The following PPP1R9A variants were observed in gnomAD, a reference collection of about 807,000 sequenced individuals.
PPP1R9A encodes the protein neurabin-1.
In PPP1R9A, 59 loss-of-function variants were observed where a neutral mutation model predicts 141.9. That is an observed-to-expected ratio of 0.42 (90% confidence interval 0.34 to 0.52). The LOEUF (loss-of-function observed/expected upper bound fraction) is 0.52, where lower values mean the gene tolerates loss of function less well. PPP1R9A is among the 20% of genes least tolerant of loss of function. The pLI, the probability that PPP1R9A is intolerant of heterozygous loss-of-function variation, is 0.10. For synonymous variants in PPP1R9A, 500 were observed against 569.7 expected, an observed-to-expected ratio of 0.88 and a Z score of 1.74; for missense variants, 1,444 against 1,611.9, an observed-to-expected ratio of 0.90 and a Z score of 1.78.
Position 95,182,498 on chromosome 7 carries a change from A to G in PPP1R9A, c.1755-15851A>G, listed in dbSNP as rs113739211. Among the ~76,000 whole-genome samples, 745 of 152,324 alleles carry G rather than the reference A, an allele frequency of 4.9e-3. 5 individuals are homozygous for G. The highest frequency in any genetic ancestry group is 0.015 in the African/African-American group (641 of 41,570). ...TTCCATTTGAAATGCAATAAACCTC[A>G]AAATGTTTTTACTTTATTTATATCA... On this transcript the variant is annotated intron_variant, in intron 5 of 19. Transcript: ENST00000433360.
At chr7:95,021,044 C>T (rs1006373515) in intron 2 of PPP1R9A, among the ~76,000 whole-genome samples, 4 of 152,230 alleles carry the variant, frequency 2.6e-5, no homozygotes, top group African/African-American at 7.2e-5. Flanking sequence ...CTTGAGGAAT[C>T]GCCGCACTGT....
At chr7:95,072,828 TATATA>T (rs1363754165) in intron 2 of PPP1R9A, among the ~76,000 whole-genome samples, 1 of 62,982 alleles carries the variant, frequency 1.6e-5, no homozygotes, top group Non-Finnish European at 2.6e-5. Flanking sequence ...AATTATTATA[TATATA>T]ATAATTATTA....
intron 7 of PPP1R9A, among the ~76,000 whole-genome samples, chr7:95,212,459 G>A (rs893527448): frequency 6.6e-6 from 1 of 152,056 alleles, no homozygotes; most frequent in Non-Finnish European, 1.5e-5. Context: ...TCCAAAATGA[G>A]GCTACTCTTA....
At chr7:95,013,530 AAGTAAT>A (rs2151642906) in intron 2 of PPP1R9A, among the ~76,000 whole-genome samples, 1 of 152,264 alleles carries the variant, frequency 6.6e-6, no homozygotes, top group East Asian at 1.9e-4. Context: ...GATGATATAC[AAGTAAT>A]AGATACTTTT....
At chr7:95,131,486 T>TA (rs1425810490) in intron 4 of PPP1R9A, among the ~76,000 whole-genome samples, 2 of 152,216 alleles carry the variant, frequency 1.3e-5, no homozygotes, top group Non-Finnish European at 2.9e-5. Context: ...CATTGGTTTA[T>TA]ATGTCTGTGT....
chr7:94,931,033 G>T (rs757661120), intron 2 of PPP1R9A, among the ~76,000 whole-genome samples: 10 of 152,114 alleles, frequency 6.6e-5, no homozygotes, highest in Non-Finnish European at 1.5e-4. Flanking sequence ...ATTTTGCCTG[G>T]TCAGCTGGAA....
At chr7:95,000,585 A>T (rs998002312) in intron 2 of PPP1R9A, among the ~76,000 whole-genome samples, 2 of 151,772 alleles carry the variant, frequency 1.3e-5, no homozygotes, top group Admixed American at 6.6e-5. Flanking sequence ...TACCTATTGG[A>T]AATATAATTT....
At chr7:95,018,285 G>T in intron 2 of PPP1R9A, 1 of 230,850 alleles carries the variant, frequency 4.3e-6, no homozygotes, top group South Asian at 8.0e-5. Context: ...AGGCCCAGAT[G>T]AGCAGCACAT....
chr7:94,936,686 G>A (rs1794806939), intron 2 of PPP1R9A, among the ~76,000 whole-genome samples: 1 of 150,738 alleles, frequency 6.6e-6, no homozygotes, highest in Non-Finnish European at 1.5e-5. Flanking sequence ...GTGTGTGTTT[G>A]TGTATATATT....
rs1805782374 is a variant in PPP1R9A at position 95,288,583 on chromosome 7, G to A, written c.3777G>A (p.Arg1259=). The A allele has an allele frequency of 6.2e-7, 1 of 1,613,920 alleles. No individual in the cohort carries two copies. The highest frequency in any genetic ancestry group is 8.5e-7 in the Non-Finnish European group (1 of 1,180,000). The change falls in exon 19 of 20, where the codon CGG becomes CGA. Residue 1259 remains arginine, a synonymous_variant. Coordinates refer to ENST00000433360, the MANE Select transcript of PPP1R9A (RefSeq NM_001166160.2). ...QSPKHSQCQN[R]AVQEWSVQQV... ...CCAAACACAGTCAGTGTCAGAATCGGGCCGTTCAGGAATGGAGTGTGCAGC... is the reference window on the plus strand; with the variant it reads ...CCAAACACAGTCAGTGTCAGAATCGAGCCGTTCAGGAATGGAGTGTGCAGC...
chr7:94,962,437 A>G (rs957333398), intron 2 of PPP1R9A, among the ~76,000 whole-genome samples: 7 of 151,948 alleles, frequency 4.6e-5, no homozygotes, highest in African/African-American at 1.7e-4. Flanking sequence ...ATTTTGTAAA[A>G]TATTGTAAAA....
Position 95,250,089 on chromosome 7 carries a change from A to G in PPP1R9A, c.2230A>G (p.Ile744Val), listed in dbSNP as rs138154710. 3.1e-6 allele frequency: 5 copies of G among 1,613,518 alleles called. No individual in the cohort carries two copies. Among genetic ancestry groups the G allele is most frequent in the Non-Finnish European group, 4.2e-6 (5 of 1,179,856 alleles). ...ELEKTQLQQN[I>V]EENKERMLKL... Reference sequence around the variant, plus strand: ...AGAAAAAACCCAACTCCAACAAAACATAGAAGAGAATAAGGAAAGAATGTT... The same window carrying G: ...AGAAAAAACCCAACTCCAACAAAACGTAGAAGAGAATAAGGAAAGAATGTT... Residue 744 changes from isoleucine to valine, a missense_variant, in exon 10 of 20, where the codon ATA becomes GTA. Physicochemically the swap from Ile to Val is conservative, Grantham distance 29 (BLOSUM62 3). Transcript: ENST00000433360.
chr7:95,118,664 C>T (rs1039068691), intron 3 of PPP1R9A, among the ~76,000 whole-genome samples: 1 of 151,890 alleles, frequency 6.6e-6, no homozygotes, highest in Non-Finnish European at 1.5e-5. Flanking sequence ...AACCTTCATC[C>T]GAAGAATACT....
intron 3 of PPP1R9A, among the ~76,000 whole-genome samples, chr7:95,113,644 G>A (rs1820968623): frequency 1.3e-5 from 2 of 152,120 alleles, no homozygotes; most frequent in African/African-American, 2.4e-5. Context: ...TGCCACTGAG[G>A]GTAAAAAGGA....
intron 6 of PPP1R9A, among the ~76,000 whole-genome samples, chr7:95,202,004 T>C (rs949589708): frequency 6.6e-6 from 1 of 152,184 alleles, no homozygotes; most frequent in Admixed American, 6.5e-5. Flanking sequence ...ACTTGTCACA[T>C]TGACAGAGGG....
At chr7:95,059,273 C>T (rs1004169004) in intron 2 of PPP1R9A, among the ~76,000 whole-genome samples, 1 of 152,144 alleles carries the variant, frequency 6.6e-6, no homozygotes, top group African/African-American at 2.4e-5. Context: ...TTTTACCAGT[C>T]ATCCCAAACG....
chr7:95,275,093 C>T (rs892035475), intron 16 of PPP1R9A, among the ~76,000 whole-genome samples: 10 of 152,170 alleles, frequency 6.6e-5, no homozygotes. Flanking sequence ...TTATATTTAT[C>T]ATTTCATTTG....
chr7:95,085,596 G>T (rs1445759815), intron 2 of PPP1R9A, among the ~76,000 whole-genome samples: 1 of 151,314 alleles, frequency 6.6e-6, no homozygotes, highest in Non-Finnish European at 1.5e-5. Flanking sequence ...TGTATTTTTA[G>T]TAGTGACGGG....
At chr7:95,143,982 CAT>C (rs1229369465) in intron 4 of PPP1R9A, among the ~76,000 whole-genome samples, 2 of 151,994 alleles carry the variant, frequency 1.3e-5, no homozygotes, top group African/African-American at 4.8e-5. Context: ...CATCAGCTCA[CAT>C]AGTTAATTTC....
Sources: gnomAD v4.1 joint callset for allele counts (sites outside exome capture counted in the v4.1 genomes callset) on GRCh38, gnomAD v4.1.1 for gene constraint, MANE v1.5 for transcripts, NCBI Gene and HGNC (gene_info 2026-07-23, HGNC 2026-07-21) for gene names.